The following ARHGAP28 variants were observed in gnomAD, a reference collection of about 807,000 sequenced individuals.
ARHGAP28 encodes rho GTPase-activating protein 28.
ARHGAP28 carries 56 observed loss-of-function variants against 90.7 expected under a neutral mutation model. The ratio of observed to expected loss-of-function variants is 0.62; its 90% CI spans 0.50 to 0.77. The LOEUF (loss-of-function observed/expected upper bound fraction) is 0.77. Among genes scored for constraint, ARHGAP28 ranks in the 30% least tolerant of loss-of-function variants. The probability of loss-of-function intolerance (pLI) is 0.00; values close to 1 mark genes in which losing one functional copy is unlikely to be tolerated. For synonymous variants in ARHGAP28, 308 were observed against 323.3 expected (o/e 0.95, Z 0.51); for missense variants, 869 against 900.9 (o/e 0.96, Z 0.45).
Position 6,894,896 on chromosome 18 carries a change from G to A in ARHGAP28, c.1905+5G>A. 6.2e-7 allele frequency: 1 copy of A among 1,613,754 alleles called. No homozygotes were observed. The highest frequency in any genetic ancestry group is 8.5e-7 in the Non-Finnish European group (1 of 1,179,814). On this transcript the variant is annotated splice_donor_5th_base_variant and intron_variant, in intron 15 of 17. Coordinates refer to ENST00000383472, the MANE Select transcript of ARHGAP28 (RefSeq NM_001366230.1). ...TCACCCTCGGCAAGACGAATGGTAA[G>A]AAAAATAATTTCTTTTCCCTTCCAT...
chr18:6,819,704 G>A (rs1453360945), intron 1 of ARHGAP28, among the ~76,000 whole-genome samples: 1 of 152,200 alleles, frequency 6.6e-6, no homozygotes, highest in Non-Finnish European at 1.5e-5. Flanking sequence ...CAACACAGGG[G>A]ACCAGGCTGT....
intron 1 of ARHGAP28, among the ~76,000 whole-genome samples, chr18:6,801,377 G>C (rs1485714060): frequency 6.6e-6 from 1 of 152,126 alleles, no homozygotes; most frequent in Non-Finnish European, 1.5e-5. Context: ...TCTATTTGAT[G>C]GCAGTACCAC....
chr18:6,833,099 A>C (rs1483812490), intron 2 of ARHGAP28, among the ~76,000 whole-genome samples: 1 of 152,016 alleles, frequency 6.6e-6, no homozygotes, highest in African/African-American at 2.4e-5. Flanking sequence ...TATTCTTTTA[A>C]TTTTGAAATA....
At chr18:6,910,996 C>T (rs1211664932) in intron 17 of ARHGAP28, among the ~76,000 whole-genome samples, 5 of 152,102 alleles carry the variant, frequency 3.3e-5, no homozygotes, top group African/African-American at 7.2e-5. Flanking sequence ...AGGCGCCCAT[C>T]ACCACGCCCG....
intron 11 of ARHGAP28, among the ~76,000 whole-genome samples, chr18:6,885,802 G>T (rs1032340585): frequency 4.9e-4 from 70 of 141,724 alleles, no homozygotes; most frequent in South Asian, 1.8e-3. Context: ...CCCCAGAGTT[G>T]TTTTTTTTTT....
chr18:6,850,762 G>A (rs1468096283), intron 3 of ARHGAP28: 2 of 1,494,288 alleles, frequency 1.3e-6, no homozygotes, highest in African/African-American at 1.4e-5. Context: ...ATATTCATAA[G>A]TTAGGAAAGA....
At chr18:6,811,733 T>C (rs1277412230) in intron 1 of ARHGAP28, among the ~76,000 whole-genome samples, 21 of 152,142 alleles carry the variant, frequency 1.4e-4, no homozygotes, top group Non-Finnish European at 3.1e-4. Flanking sequence ...TTTTCTTTTT[T>C]TTAATTCTTC....
At chr18:6,838,786 C>G (rs1329566806) in intron 3 of ARHGAP28, among the ~76,000 whole-genome samples, 1 of 152,138 alleles carries the variant, frequency 6.6e-6, no homozygotes, top group Non-Finnish European at 1.5e-5. Context: ...GACTTTCAAC[C>G]TAGTGTAAAC....
chr18:6,786,157 C>T (rs536669738), intron 1 of ARHGAP28, among the ~76,000 whole-genome samples: 3 of 152,258 alleles, frequency 2.0e-5, no homozygotes, highest in South Asian at 2.1e-4. Flanking sequence ...GAGTGACCAG[C>T]GTAGTGATTT....
chr18:6,884,608 T>G (rs2057206042), intron 11 of ARHGAP28, among the ~76,000 whole-genome samples: 1 of 152,192 alleles, frequency 6.6e-6, no homozygotes, highest in African/African-American at 2.4e-5. Flanking sequence ...AGCCGGCAGT[T>G]TGCTTGACTG....
rs533217820 is a variant in ARHGAP28, at chr18:6,913,841, C to T, written c.*1687C>T. 172 of 151,970 alleles carry T rather than the reference C, an allele frequency of 1.1e-3. 1 individual carries two copies. Among genetic ancestry groups the T allele is most frequent in the African/African-American group, 4.0e-3 (167 of 41,432 alleles). 9.4% of individuals were successfully genotyped at this position (151,970 alleles called of 1,614,324 possible). ...TTTAATGTATGGGTAATTGGTGGCA[C>T]ATGACTTTACATAATGACTTTCTAG... is the stretch of plus-strand genomic sequence containing the variant. On this transcript the variant is annotated 3_prime_UTR_variant, in exon 18 of 18. Coordinates refer to ENST00000383472, the MANE Select transcript of ARHGAP28 (RefSeq NM_001366230.1).
chr18:6,769,116 T>C (rs1453449521), intron 1 of ARHGAP28, among the ~76,000 whole-genome samples: 1 of 151,968 alleles, frequency 6.6e-6, no homozygotes, highest in Non-Finnish European at 1.5e-5. Context: ...AAGCAACTTT[T>C]TGGTAGGGTG....
intron 7 of ARHGAP28, among the ~76,000 whole-genome samples, chr18:6,872,230 T>C (rs2057095592): frequency 6.6e-6 from 1 of 152,220 alleles, no homozygotes; most frequent in Non-Finnish European, 1.5e-5. Flanking sequence ...GAACTTTGCA[T>C]AGGATTTAGC....
chr18:6,910,054 G>A (rs972183109), intron 17 of ARHGAP28, among the ~76,000 whole-genome samples: 2 of 152,012 alleles, frequency 1.3e-5, no homozygotes, highest in African/African-American at 4.8e-5. Flanking sequence ...CTTCCTCCTT[G>A]TTATCTCTTG....
At chr18:6,877,399 G>C (rs1968364706) in intron 10 of ARHGAP28, among the ~76,000 whole-genome samples, 3 of 152,236 alleles carry the variant, frequency 2.0e-5, no homozygotes, top group Non-Finnish European at 4.4e-5. Context: ...GAGGAGCCGT[G>C]TGCTGGGCAG....
intron 1 of ARHGAP28, among the ~76,000 whole-genome samples, chr18:6,742,067 C>T (rs936406734): frequency 6.6e-6 from 1 of 152,036 alleles, no homozygotes; most frequent in Non-Finnish European, 1.5e-5. Context: ...CGAAGGATTC[C>T]ATGGGGAAAA....
intron 9 of ARHGAP28, chr18:6,874,521 A>G (rs894132810): frequency 6.6e-6 from 1 of 152,208 alleles, no homozygotes; most frequent in Non-Finnish European, 1.5e-5. Context: ...ATCCAGTGGC[A>G]CAATTAAAAT....
At chr18:6,837,932 C>A (rs2056766999) in intron 3 of ARHGAP28, among the ~76,000 whole-genome samples, 1 of 152,094 alleles carries the variant, frequency 6.6e-6, no homozygotes, top group African/African-American at 2.4e-5. Flanking sequence ...GGAAACATCC[C>A]ATGTTTTATG....
rs570325195 is a variant in ARHGAP28, at chr18:6,887,493, C to G, written c.1536+254C>G. Among the ~76,000 whole-genome samples the G allele has an allele frequency of 7.3e-5, 11 of 150,340 alleles. No homozygotes were observed. The South Asian group carries it at 2.1e-3, about 29-fold the overall frequency. ...TCACCCAGGCTGGAGTGCAGTGGCA[C>G]GATCACAACTCACTGCAGCGTTGAC... is the stretch of plus-strand genomic sequence containing the variant. On this transcript the variant is annotated intron_variant, in intron 12 of 17. Transcript: ENST00000383472.
Sources: allele counts gnomAD v4.1 joint callset (sites outside exome capture counted in the v4.1 genomes callset), GRCh38; gene constraint gnomAD v4.1.1; transcripts MANE v1.5; gene names NCBI Gene and HGNC (gene_info 2026-07-23, HGNC 2026-07-21).